MYH15: variants seen among roughly 807,000 people sequenced by gnomAD.
MYH15 encodes the protein myosin-15.
A neutral mutation model predicts 240.5 loss-of-function variants in MYH15; 227 were observed. That is an observed-to-expected ratio of 0.94 (90% confidence interval 0.85 to 1.05). The LOEUF (loss-of-function observed/expected upper bound fraction) is 1.05. Ranked by LOEUF, MYH15 falls within the 50% of genes least tolerant of loss-of-function variation. The pLI, the probability that MYH15 is intolerant of heterozygous loss-of-function variation, is 0.00. For synonymous variants in MYH15, 785 were observed against 796.7 expected (o/e 0.99, Z 0.25); for missense variants, 2,217 against 2,247.5 (o/e 0.99, Z 0.27).
At chr3:108,509,555 A>G (rs2083506114) in intron 1 of MYH15, among the ~76,000 whole-genome samples, 1 of 152,232 alleles carries the variant, frequency 6.6e-6, no homozygotes, top group Admixed American at 6.5e-5. Context: ...AATATCCTCC[A>G]TAACTGGCTT....
intron 14 of MYH15, among the ~76,000 whole-genome samples, chr3:108,468,964 T>A (rs777083868): frequency 1.3e-4 from 20 of 152,232 alleles, no homozygotes; most frequent in Non-Finnish European, 1.8e-4. Context: ...ACATCATAGT[T>A]GGTTCATCTT....
At chr3:108,429,647 G>C (rs2082760461) in intron 26 of MYH15, among the ~76,000 whole-genome samples, 1 of 152,154 alleles carries the variant, frequency 6.6e-6, no homozygotes, top group Non-Finnish European at 1.5e-5. Flanking sequence ...ATCACCTTAA[G>C]TAATTAGGCA....
chr3:108,389,991 C>T lies in MYH15; in HGVS notation c.5431-917G>A, dbSNP rs527625271. ...CCTGTACCTCCTCAGAGAGGTGCAA[C>T]GTGAAGGGAGGGGAGCAAGTGTGAG... On this transcript the variant is annotated intron_variant, in intron 37 of 40. Transcript: ENST00000693548. Among the ~76,000 whole-genome samples the T allele has an allele frequency of 3.9e-5, 6 of 152,240 alleles. No homozygotes were observed. In the East Asian group the frequency reaches 5.8e-4, roughly 15 times the overall value.
intron 12 of MYH15, among the ~76,000 whole-genome samples, chr3:108,472,822 T>G (rs1176437223): frequency 1.3e-5 from 2 of 152,234 alleles, no homozygotes; most frequent in Non-Finnish European, 2.9e-5. Context: ...TTAATCATTT[T>G]CATCATTTTC....
At chr3:108,440,938 G>T in intron 23 of MYH15, 80 bp downstream of exon 23, 1 of 1,542,098 alleles carries the variant, frequency 6.5e-7, no homozygotes, top group Non-Finnish European at 8.9e-7. Flanking sequence ...CTTGAATAGA[G>T]CAAGTCAGAT....
intron 1 of MYH15, among the ~76,000 whole-genome samples, chr3:108,526,399 A>G (rs996639053): frequency 7.2e-5 from 11 of 151,884 alleles, no homozygotes; most frequent in African/African-American, 1.2e-4. Context: ...TCCTTTTTCT[A>G]TTTCTGTTCT....
chr3:108,430,907 C>G lies in MYH15; in HGVS notation c.3237G>C (p.Leu1079Phe). The G allele has an allele frequency of 1.9e-6, 3 of 1,609,172 alleles. No individual in the cohort carries two copies. The highest frequency in any genetic ancestry group is 2.5e-6 in the Non-Finnish European group (3 of 1,177,084). ...TCTCCACTTTTGAATTCATCTGACT[C>G]AATTCTAATTCTTTTCTGTTTAGAA... ...AEELRKKELE[L>F]SQMNSKVENE... is the part of the protein sequence containing the mutation. Residue 1079 changes from leucine (L) to phenylalanine (F), a missense_variant, in exon 26 of 41, where the codon TTG (leucine) becomes TTC (phenylalanine). Coordinates refer to ENST00000693548, the MANE Select transcript of MYH15 (RefSeq NM_014981.3).
chr3:108,502,960 AT>A (rs2083449620), intron 2 of MYH15, among the ~76,000 whole-genome samples: 2 of 151,754 alleles, frequency 1.3e-5, no homozygotes, highest in African/African-American at 4.8e-5. Flanking sequence ...CTATTTTTCT[AT>A]TTTTTTCATT....
chr3:108,403,005 T>A (rs1298768707), intron 33 of MYH15, among the ~76,000 whole-genome samples: 1 of 152,222 alleles, frequency 6.6e-6, no homozygotes, highest in Non-Finnish European at 1.5e-5. Flanking sequence ...TATAACATTA[T>A]TTATTTATTA....
At chr3:108,549,876 G>A in the MYH15 span, 1 of 151,808 alleles carries the variant, frequency 6.6e-6, no homozygotes, top group Admixed American at 6.6e-5. Context: ...TTATTTTATA[G>A]ACCCTTTTAT....
At chr3:108,525,442 G>A (rs1429025683) in intron 1 of MYH15, among the ~76,000 whole-genome samples, 3 of 151,978 alleles carry the variant, frequency 2.0e-5, no homozygotes, top group Admixed American at 6.6e-5. Flanking sequence ...GAAATTTTCT[G>A]TCAGCCAGAA....
At chr3:108,403,111 A>G (rs1211359857) in intron 33 of MYH15, among the ~76,000 whole-genome samples, 2 of 152,212 alleles carry the variant, frequency 1.3e-5, no homozygotes, top group African/African-American at 4.8e-5. Context: ...GCACTCCAAT[A>G]TCTGTTGAAC....
chr3:108,512,237 T>C (rs1245888932), upstream of MYH15, among the ~76,000 whole-genome samples: 3 of 152,148 alleles, frequency 2.0e-5, no homozygotes, highest in Non-Finnish European at 4.4e-5. Context: ...CATCTGAATA[T>C]AGAAGAACTC....
At chr3:108,397,026 CA>C (rs754746628) in intron 35 of MYH15, among the ~76,000 whole-genome samples, 2 of 152,114 alleles carry the variant, frequency 1.3e-5, no homozygotes, top group Non-Finnish European at 2.9e-5. Flanking sequence ...AAAATGATCC[CA>C]CAGATGTTTC....
At chr3:108,471,142 G>T (rs1399592640) in intron 12 of MYH15, among the ~76,000 whole-genome samples, 1 of 150,454 alleles carries the variant, frequency 6.6e-6, no homozygotes, top group Non-Finnish European at 1.5e-5. Flanking sequence ...GGAAGAAAAA[G>T]GAGGAAAGGA....
chr3:108,416,801 A>G lies in MYH15; in HGVS notation c.3948+11T>C. On this transcript the variant is annotated intron_variant, in intron 29 of 40. Coordinates refer to ENST00000693548, the MANE Select transcript of MYH15 (RefSeq NM_014981.3). ...AGTCAAGAAACTAGTGAGAAATAATAGATACATTACTTTGGTCTCCTTTTC... is the reference window on the plus strand; with the variant it reads ...AGTCAAGAAACTAGTGAGAAATAATGGATACATTACTTTGGTCTCCTTTTC... The G allele has an allele frequency of 1.9e-6, 3 of 1,585,032 alleles. No individual in the cohort carries two copies. Among genetic ancestry groups the G allele is most frequent in the Non-Finnish European group, 1.7e-6 (2 of 1,155,534 alleles).
chr3:108,537,780 T>G, the MYH15 span, among the ~76,000 whole-genome samples: 1 of 152,132 alleles, frequency 6.6e-6, no homozygotes, highest in African/African-American at 2.4e-5. Context: ...TAGCTTACCT[T>G]AGACAGCAGA....
chr3:108,492,361 A>G (rs1236225830), intron 9 of MYH15, 139 bp downstream of exon 9: 3 of 498,666 alleles, frequency 6.0e-6, no homozygotes, highest in Admixed American at 6.4e-5. Flanking sequence ...TAATTGATTC[A>G]ATTCCCTAAG....
intron 16 of MYH15, chr3:108,462,008 T>C (rs1391030285): frequency 4.6e-5 from 7 of 152,166 alleles, no homozygotes; most frequent in Non-Finnish European, 1.0e-4. Context: ...CCAGGCTGGC[T>C]AGATTATCTA....
Sources: allele counts gnomAD v4.1 joint callset (sites outside exome capture counted in the v4.1 genomes callset), GRCh38; gene constraint gnomAD v4.1.1; transcripts MANE v1.5; gene names NCBI Gene and HGNC (gene_info 2026-07-23, HGNC 2026-07-21).